The following FHIT variants were observed in gnomAD, a reference collection of about 807,000 sequenced individuals.
FHIT encodes fragile histidine triad diadenosine triphosphatase.
Under a neutral mutation model 17.9 loss-of-function variants are expected in FHIT, and 19 were observed. The ratio of observed to expected loss-of-function variants is 1.06; its 90% CI spans 0.74 to 1.56. FHIT has a LOEUF of 1.56. Among genes scored for constraint, FHIT ranks in the 40% most tolerant of loss-of-function variants. The pLI, the probability that FHIT is intolerant of heterozygous loss-of-function variation, is 0.00. For synonymous variants in FHIT, 81 were observed against 69.7 expected (o/e 1.16, Z -0.81); for missense variants, 248 against 189.2 (o/e 1.31, Z -1.82).
At chr3:61,033,905 A>G (rs1352141445) in intron 3 of FHIT, among the ~76,000 whole-genome samples, 1 of 152,204 alleles carries the variant, frequency 6.6e-6, no homozygotes, top group South Asian at 2.1e-4. Context: ...CTGCCTACCA[A>G]CATTCTTTCT....
At chr3:60,791,722 A>C (rs1394621769) in intron 4 of FHIT, among the ~76,000 whole-genome samples, 2 of 152,212 alleles carry the variant, frequency 1.3e-5, no homozygotes, top group Non-Finnish European at 2.9e-5. Flanking sequence ...GTCTTCTGTC[A>C]GGTGTTAACA....
intron 5 of FHIT, among the ~76,000 whole-genome samples, chr3:60,117,539 G>A (rs374225430): frequency 1.9e-4 from 27 of 145,208 alleles, no homozygotes; most frequent in African/African-American, 6.6e-4. Context: ...TATCACCTAG[G>A]TAATTATATT....
At chr3:60,617,828 T>C (rs1026703246) in intron 4 of FHIT, 1 of 151,246 alleles carries the variant, frequency 6.6e-6, no homozygotes, top group African/African-American at 2.5e-5. Context: ...AAAGTAACTA[T>C]GGTTTTTGGG....
At chr3:60,110,898 A>G (rs371865222) in intron 5 of FHIT, among the ~76,000 whole-genome samples, 7 of 152,286 alleles carry the variant, frequency 4.6e-5, no homozygotes, top group African/African-American at 1.7e-4. Flanking sequence ...CATATATATC[A>G]GAACACACCC....
intron 5 of FHIT, among the ~76,000 whole-genome samples, chr3:60,171,490 C>T (rs1397135236): frequency 6.6e-6 from 1 of 152,126 alleles, no homozygotes; most frequent in Admixed American, 6.6e-5. Flanking sequence ...ATTGTGGGTG[C>T]CAACTGGATG....
intron 2 of FHIT, among the ~76,000 whole-genome samples, chr3:61,125,395 AAAGG>A (rs1389925610): frequency 6.6e-6 from 1 of 152,208 alleles, no homozygotes; most frequent in Non-Finnish European, 1.5e-5. Context: ...TAGCAAAGCA[AAAGG>A]AAGGATCAAG....
At chr3:60,845,253 T>A (rs1575591556) in intron 3 of FHIT, among the ~76,000 whole-genome samples, 1 of 150,454 alleles carries the variant, frequency 6.6e-6, no homozygotes, top group Non-Finnish European at 1.5e-5. Context: ...AAAAATAAAA[T>A]TTTTTTTGTG....
intron 2 of FHIT, among the ~76,000 whole-genome samples, chr3:61,199,154 C>A (rs1052952333): frequency 1.3e-5 from 2 of 152,126 alleles, no homozygotes; most frequent in African/African-American, 4.8e-5. Context: ...ATGACTAAAC[C>A]CATGTCTGAT....
At chr3:60,444,853 A>T (rs75886453) in intron 5 of FHIT, among the ~76,000 whole-genome samples, 429 of 151,726 alleles carry the variant, frequency 2.8e-3, no homozygotes, top group Non-Finnish European at 4.5e-3. Flanking sequence ...ATAAAAAAAA[A>T]TTTTAAAAAA....
At chr3:60,479,946 TTGATAA>T (rs1297853604) in intron 5 of FHIT, among the ~76,000 whole-genome samples, 1 of 152,204 alleles carries the variant, frequency 6.6e-6, no homozygotes, top group Non-Finnish European at 1.5e-5. Context: ...TACATAATAC[TTGATAA>T]TGATAATACG....
intron 7 of FHIT, 128 bp from the exon 8 acceptor site, chr3:59,922,542 T>G: frequency 1.4e-6 from 1 of 739,394 alleles, no homozygotes; most frequent in Non-Finnish European, 2.2e-6. Flanking sequence ...CAGAGGAAGT[T>G]GATATCCACC....
intron 5 of FHIT, among the ~76,000 whole-genome samples, chr3:60,434,658 C>T (rs2030049157): frequency 1.3e-5 from 2 of 152,100 alleles, no homozygotes; most frequent in African/African-American, 4.8e-5. Context: ...TCTTAAATGT[C>T]TTGACAGACT....
intron 5 of FHIT, among the ~76,000 whole-genome samples, chr3:60,371,333 A>T (rs988226812): frequency 7.9e-5 from 12 of 151,978 alleles, no homozygotes; most frequent in Non-Finnish European, 1.6e-4. Flanking sequence ...TTTATGCTAC[A>T]ACCATTTTAA....
intron 4 of FHIT, among the ~76,000 whole-genome samples, chr3:60,673,180 G>A (rs1481179352): frequency 6.6e-6 from 1 of 152,138 alleles, no homozygotes; most frequent in East Asian, 1.9e-4. Context: ...TACCATTTCT[G>A]TGCTCCTCAT....
rs895979130 is a variant in FHIT, at chr3:60,560,718, C to T, written c.-17-23739G>A. On this transcript the variant is annotated intron_variant, in intron 4 of 9. Transcript: ENST00000492590. ...ACCACAGAAAGAGGACAGAATAGAGCCGGTCCTTTACTTTTAGGTGAGTTT... is the reference window on the plus strand; with the variant it reads ...ACCACAGAAAGAGGACAGAATAGAGTCGGTCCTTTACTTTTAGGTGAGTTT... Among the ~76,000 whole-genome samples, 4 of 151,378 alleles carry T rather than the reference C, an allele frequency of 2.6e-5. No individual in the cohort carries two copies. In the East Asian group the frequency reaches 7.9e-4, roughly 30 times the overall value.
intron 4 of FHIT, among the ~76,000 whole-genome samples, chr3:60,597,177 A>G (rs1434723104): frequency 6.6e-6 from 1 of 152,178 alleles, no homozygotes; most frequent in African/African-American, 2.4e-5. Context: ...TACAGAAAAT[A>G]ATTAAGTCAA....
chr3:59,799,826 C>G (rs1699923851), intron 8 of FHIT, among the ~76,000 whole-genome samples: 1 of 152,076 alleles, frequency 6.6e-6, no homozygotes, highest in Admixed American at 6.5e-5. Context: ...CGGTGTCTTG[C>G]AAGAAAAAAG....
chr3:60,959,038 T>C (rs1553779758), intron 3 of FHIT, among the ~76,000 whole-genome samples: 2 of 152,234 alleles, frequency 1.3e-5, no homozygotes, highest in Admixed American at 1.3e-4. Flanking sequence ...AACATTAACT[T>C]AAGCAGGTTT....
intron 3 of FHIT, among the ~76,000 whole-genome samples, chr3:60,888,127 C>A (rs6769544): frequency 0.28 from 41,899 of 152,044 alleles, 7,001 homozygotes; most frequent in African/African-American, 0.46. Flanking sequence ...AACTGTGAAC[C>A]CTGGAGGGAA....
Sources: allele counts gnomAD v4.1 joint callset (sites outside exome capture counted in the v4.1 genomes callset), GRCh38; gene constraint gnomAD v4.1.1; transcripts MANE v1.5; gene names NCBI Gene and HGNC (gene_info 2026-07-23, HGNC 2026-07-21).